ASTN1: variants seen among roughly 807,000 people sequenced by gnomAD.
The protein encoded by ASTN1 is astrotactin 1, also known as astrotactin-1.
A neutral mutation model predicts 140.7 loss-of-function variants in ASTN1; 41 were observed. That is an observed-to-expected ratio of 0.29 (90% CI 0.23 to 0.38). The LOEUF (loss-of-function observed/expected upper bound fraction) is 0.38, where lower values mean the gene tolerates loss of function less well. Ranked by LOEUF, ASTN1 falls within the 10% of genes least tolerant of loss-of-function variation. The pLI, the probability that ASTN1 is intolerant of heterozygous loss-of-function variation, is 1.00. For missense variants in ASTN1, 1,479 were observed against 1,678.8 expected, an observed-to-expected ratio of 0.88 and a Z score of 2.08; for synonymous variants, 640 against 652.2, an observed-to-expected ratio of 0.98 and a Z score of 0.29.
intron 2 of ASTN1, among the ~76,000 whole-genome samples, chr1:177,052,513 CAG>C (rs1677590428): frequency 6.6e-6 from 1 of 152,124 alleles, no homozygotes; most frequent in Non-Finnish European, 1.5e-5. Flanking sequence ...GAGTAAATGG[CAG>C]AACTAAGATT....
intron 1 of ASTN1, among the ~76,000 whole-genome samples, chr1:177,066,992 G>A (rs1217148098): frequency 1.3e-5 from 2 of 152,058 alleles, no homozygotes; most frequent in Admixed American, 6.6e-5. Flanking sequence ...TCAAGGTTGA[G>A]GTTGACACTC....
intron 14 of ASTN1, among the ~76,000 whole-genome samples, chr1:176,941,158 C>G (rs1304606022): frequency 6.6e-6 from 1 of 152,006 alleles, no homozygotes; most frequent in Non-Finnish European, 1.5e-5. Context: ...TATAAGATTC[C>G]CTATGTAAGT....
chr1:176,868,359 C>T lies in ASTN1; in HGVS notation c.3647+485G>A, dbSNP rs180959514. 4.2e-3 allele frequency among the ~76,000 whole-genome samples: 647 copies of T among 152,238 alleles called. 7 individuals are homozygous for T. Among genetic ancestry groups the T allele is most frequent in the African/African-American group, 0.015 (617 of 41,532 alleles). ...AGCACACACTATGCGACCCTAGCTC[C>T]GGCCAAGATTGATGTCAAGATGGGT... On this transcript the variant is annotated intron_variant, in intron 22 of 22. Transcript: ENST00000361833.
intron 2 of ASTN1, among the ~76,000 whole-genome samples, chr1:177,059,457 T>C (rs1396820944): frequency 6.6e-6 from 1 of 152,198 alleles, no homozygotes; most frequent in Non-Finnish European, 1.5e-5. Context: ...GGAACTCCCA[T>C]GCTATAAACC....
chr1:177,024,535 C>T (rs746416733), intron 6 of ASTN1, 48 bp downstream of exon 6: 2 of 1,600,538 alleles, frequency 1.2e-6, no homozygotes, highest in Non-Finnish European at 1.7e-6. Flanking sequence ...AACCAGAAAA[C>T]TTTCCTTTTT....
intron 1 of ASTN1, among the ~76,000 whole-genome samples, chr1:177,161,090 TCCTGTTCTCTACTTGGAATTATA>T (rs1647333753): frequency 6.6e-6 from 1 of 152,186 alleles, no homozygotes; most frequent in Non-Finnish European, 1.5e-5. Flanking sequence ...AGATATTGAC[TCCTGTTCTCTACTTGGAATTATA>T]CCACACGCAA....
chr1:177,093,323 G>T (rs1189411792), intron 1 of ASTN1, among the ~76,000 whole-genome samples: 1 of 152,150 alleles, frequency 6.6e-6, no homozygotes, highest in African/African-American at 2.4e-5. Flanking sequence ...TTTGTTTTCA[G>T]CCTCAGTGTC....
At chr1:176,923,484 T>A (rs1670826238) in intron 16 of ASTN1, among the ~76,000 whole-genome samples, 5 of 152,142 alleles carry the variant, frequency 3.3e-5, no homozygotes, top group Admixed American at 2.6e-4. Flanking sequence ...CAGGCCCCCA[T>A]CATCATCAGT....
intron 1 of ASTN1, among the ~76,000 whole-genome samples, chr1:177,137,278 G>A (rs868049561): frequency 1.5e-4 from 23 of 152,294 alleles, no homozygotes; most frequent in Admixed American, 2.6e-4. Flanking sequence ...ACTCAAAAAG[G>A]AAAACATAAT....
chr1:176,990,255 A>G, intron 8 of ASTN1, among the ~76,000 whole-genome samples: 1 of 150,904 alleles, frequency 6.6e-6, no homozygotes. Flanking sequence ...GTGGGTGGGG[A>G]GAAGAGGCTG....
intron 16 of ASTN1, among the ~76,000 whole-genome samples, chr1:176,904,489 G>C (rs530058263): frequency 6.6e-6 from 1 of 151,442 alleles, no homozygotes; most frequent in Non-Finnish European, 1.5e-5. Flanking sequence ...GGGAGAGGAC[G>C]ACACTGAGAG....
intron 10 of ASTN1, 57 bp downstream of exon 10, chr1:176,958,288 G>C (rs1191422582): frequency 1.2e-6 from 2 of 1,609,690 alleles, no homozygotes; most frequent in South Asian, 1.1e-5. Context: ...CCTACAGGTA[G>C]TTTCTCATTC....
chr1:176,958,214 A>G (rs1571567334), intron 10 of ASTN1, 131 bp downstream of exon 10: 1 of 1,396,710 alleles, frequency 7.2e-7, no homozygotes, highest in African/African-American at 1.4e-5. Context: ...CATAGGGGGA[A>G]TTTGCAGGCT....
At chr1:176,970,555 ATAGG>A (rs35499067) in intron 8 of ASTN1, among the ~76,000 whole-genome samples, 3,965 of 150,916 alleles carry the variant, frequency 0.026, 153 homozygotes, top group African/African-American at 0.08. Flanking sequence ...AGAAATAGAG[ATAGG>A]TAGGTAGGTA....
rs979291225 is a variant in ASTN1 at position 176,862,284 on chromosome 1, GGA to G, written c.*1998_*1999del. 3 of 985,326 alleles carry G rather than the reference GGA, an allele frequency of 3.0e-6. No homozygotes were observed. Among genetic ancestry groups the G allele is most frequent in the African/African-American group, 1.7e-5 (1 of 57,234 alleles). 61.0% of individuals were successfully genotyped at this position (985,326 alleles called of 1,614,324 possible). ...TAAATCCTTCAGTGTTTGGAAAGAA[GGA>G]GAGAGGAGAGTGAAACCACCCTGTG... is the stretch of plus-strand genomic sequence containing the variant. On this transcript the variant is annotated 3_prime_UTR_variant, in exon 23 of 23. Transcript: ENST00000361833.
chr1:176,876,060 C>A (rs145657117), intron 21 of ASTN1, among the ~76,000 whole-genome samples: 3 of 152,270 alleles, frequency 2.0e-5, no homozygotes, highest in African/African-American at 7.2e-5. Context: ...CCCACAACTT[C>A]AAAATATACA....
intron 2 of ASTN1, among the ~76,000 whole-genome samples, chr1:177,055,163 A>C (rs541564982): frequency 6.6e-6 from 1 of 152,330 alleles, no homozygotes; most frequent in Admixed American, 6.5e-5. Flanking sequence ...TAAAGTGGTA[A>C]AGCCAGCATA....
rs201792392 is a variant in ASTN1 at position 177,142,903 on chromosome 1, AG to A, written c.283+21490del. 2.5e-3 allele frequency among the ~76,000 whole-genome samples: 342 copies of A among 135,544 alleles called. 7 individuals carry two copies. In the East Asian group the frequency reaches 0.032, roughly 13 times the overall value. The allele number at this position is 135,544 out of a possible 152,430, so 88.9% of individuals were successfully genotyped here. On this transcript the variant is annotated intron_variant, in intron 1 of 22. Transcript: ENST00000361833. Reference sequence around the variant, plus strand: ...AAAGGAGCAAGGAGGAAAAAAAAAAAGGGGGGGAGGGGTGCTGAGTTTCAAG... The same window carrying A: ...AAAGGAGCAAGGAGGAAAAAAAAAAAGGGGGGAGGGGTGCTGAGTTTCAAG...
At chr1:176,939,903 G>A (rs554165559) in intron 14 of ASTN1, among the ~76,000 whole-genome samples, 1 of 152,052 alleles carries the variant, frequency 6.6e-6, no homozygotes, top group African/African-American at 2.4e-5. Context: ...AGGAAGGAAG[G>A]AGGGAAGGAT....
Sources: gnomAD v4.1 joint callset for allele counts (sites outside exome capture counted in the v4.1 genomes callset) on GRCh38, gnomAD v4.1.1 for gene constraint, MANE v1.5 for transcripts, NCBI Gene and HGNC (gene_info 2026-07-23, HGNC 2026-07-21) for gene names.